PDE1C: variants seen among roughly 807,000 people sequenced by gnomAD.
PDE1C encodes the protein phosphodiesterase 1C.
A neutral mutation model predicts 93.1 loss-of-function variants in PDE1C; 62 were observed. That is an observed-to-expected ratio of 0.67 (90% CI 0.54 to 0.82). The LOEUF (loss-of-function observed/expected upper bound fraction) is 0.82. Among genes scored for constraint, PDE1C ranks in the 40% least tolerant of loss-of-function variants. PDE1C has a pLI of 0.00. For missense variants in PDE1C, 742 were observed against 884.6 expected, an observed-to-expected ratio of 0.84 and a Z score of 2.04; for synonymous variants, 325 against 310.1, an observed-to-expected ratio of 1.05 and a Z score of -0.50.
chr7:32,261,940 A>C (rs534881033), intron 1 of PDE1C, among the ~76,000 whole-genome samples: 1 of 152,114 alleles, frequency 6.6e-6, no homozygotes, highest in South Asian at 2.1e-4. Flanking sequence ...TCTGAAAAGC[A>C]AAATATTTAC....
intron 1 of PDE1C, among the ~76,000 whole-genome samples, chr7:32,064,184 C>T (rs1337335495): frequency 6.6e-6 from 1 of 152,206 alleles, no homozygotes; most frequent in East Asian, 1.9e-4. Context: ...TAATAAGAAC[C>T]AAGATTCTCA....
chr7:31,899,360 G>A (rs1583859383), intron 2 of PDE1C, among the ~76,000 whole-genome samples: 1 of 151,924 alleles, frequency 6.6e-6, no homozygotes, highest in Non-Finnish European at 1.5e-5. Context: ...GGATTGTCTC[G>A]ATCTCCTGAC....
intron 1 of PDE1C, among the ~76,000 whole-genome samples, chr7:32,297,990 TCTCTCTCCTCTCTCTCTCTCTCTCTCCC>T (rs1562660079): frequency 1.3e-4 from 6 of 45,634 alleles, no homozygotes; most frequent in Admixed American, 1.8e-4. Flanking sequence ...TCTCTCTCTC[TCTCTCTCCTCTCTCTCTCTCTCTCTCCC>T]TCTCTCTCTC....
intron 7 of PDE1C, among the ~76,000 whole-genome samples, chr7:31,863,272 G>C (rs2128833238): frequency 1.3e-5 from 2 of 152,216 alleles, no homozygotes; most frequent in Middle Eastern, 6.8e-3. Flanking sequence ...TTAATTTCCA[G>C]TGCATAGGAG....
chr7:31,701,682 C>T, the PDE1C span, among the ~76,000 whole-genome samples: 2 of 152,218 alleles, frequency 1.3e-5, no homozygotes, highest in Non-Finnish European at 2.9e-5. Flanking sequence ...TCACTGTCAT[C>T]TTGAGAGATT....
At chr7:31,824,824 G>C (rs540479334) in intron 13 of PDE1C, 43 bp downstream of exon 13, 2 of 1,604,734 alleles carry the variant, frequency 1.2e-6, no homozygotes, top group African/African-American at 1.3e-5. Context: ...TATCCTCAAG[G>C]ACAGGCCAAC....
chr7:31,881,525 A>G (rs1013595181), intron 2 of PDE1C, among the ~76,000 whole-genome samples: 3 of 152,246 alleles, frequency 2.0e-5, no homozygotes, highest in African/African-American at 7.2e-5. Flanking sequence ...TTATCTGCAC[A>G]GAGGACTTAG....
intron 11 of PDE1C, among the ~76,000 whole-genome samples, chr7:31,832,161 A>G (rs1323588789): frequency 1.3e-5 from 2 of 152,212 alleles, no homozygotes; most frequent in Admixed American, 6.5e-5. Flanking sequence ...CATAGAGAAC[A>G]AAGGAAAAAA....
intron 14 of PDE1C, among the ~76,000 whole-genome samples, chr7:31,820,128 T>A (rs1788779783): frequency 6.6e-6 from 1 of 152,038 alleles, no homozygotes; most frequent in Non-Finnish European, 1.5e-5. Flanking sequence ...AGTATCAGAA[T>A]AAAATATTCA....
chr7:31,731,694 G>C, the PDE1C span, among the ~76,000 whole-genome samples: 2 of 152,154 alleles, frequency 1.3e-5, no homozygotes, highest in Non-Finnish European at 2.9e-5. Flanking sequence ...GGCCAGAATT[G>C]GCAGTTTTCA....
chr7:32,229,037 C>T (rs998694184), intron 1 of PDE1C, among the ~76,000 whole-genome samples: 3 of 152,210 alleles, frequency 2.0e-5, no homozygotes, highest in African/African-American at 7.2e-5. Context: ...CACCCCCAAG[C>T]CCCACTCTAA....
chr7:31,634,926 C>A, the PDE1C span, among the ~76,000 whole-genome samples: 20 of 152,282 alleles, frequency 1.3e-4, no homozygotes, highest in African/African-American at 4.8e-4. Flanking sequence ...TGAGACGTCT[C>A]AAGTTCCCCT....
At chr7:31,692,443 T>C in the PDE1C span, 3 of 1,607,000 alleles carry the variant, frequency 1.9e-6, no homozygotes, top group Non-Finnish European at 1.7e-6. Context: ...CCTCCTTTGA[T>C]GATGTCCACT....
At chr7:32,297,166 T>C (rs1812646571) in intron 1 of PDE1C, among the ~76,000 whole-genome samples, 1 of 152,094 alleles carries the variant, frequency 6.6e-6, no homozygotes, top group South Asian at 2.1e-4. Flanking sequence ...TTTGGTACGT[T>C]TGGAGAAGGG....
intron 2 of PDE1C, among the ~76,000 whole-genome samples, chr7:31,990,150 G>A (rs551828613): frequency 6.6e-6 from 1 of 152,308 alleles, no homozygotes; most frequent in African/African-American, 2.4e-5. Flanking sequence ...TGATATGGTT[G>A]GCTCTGTATC....
At chr7:32,087,057 G>A (rs1358793785) in intron 3 of PDE1C, among the ~76,000 whole-genome samples, 4 of 152,096 alleles carry the variant, frequency 2.6e-5, no homozygotes, top group Non-Finnish European at 5.9e-5. Flanking sequence ...TACCATCAGA[G>A]TGAACAGGCA....
intron 1 of PDE1C, among the ~76,000 whole-genome samples, chr7:32,345,992 A>G (rs1278090496): frequency 1.3e-5 from 2 of 152,244 alleles, no homozygotes; most frequent in African/African-American, 4.8e-5. Context: ...ATTCCCAAGT[A>G]TCCCAAGAGA....
At chr7:31,812,350 T>C (rs1390596807) in intron 15 of PDE1C, among the ~76,000 whole-genome samples, 2 of 152,132 alleles carry the variant, frequency 1.3e-5, no homozygotes, top group African/African-American at 4.8e-5. Flanking sequence ...ACATCTGCCC[T>C]CTCTGGGTCT....
chr7:32,120,102 C>T (rs1188639161), intron 3 of PDE1C, among the ~76,000 whole-genome samples: 2 of 152,206 alleles, frequency 1.3e-5, no homozygotes, highest in Admixed American at 1.3e-4. Flanking sequence ...CCCCACAGCC[C>T]CACACACCAG....
Sources: gnomAD v4.1 joint callset for allele counts (sites outside exome capture counted in the v4.1 genomes callset) on GRCh38, gnomAD v4.1.1 for gene constraint, MANE v1.5 for transcripts, NCBI Gene and HGNC (gene_info 2026-07-23, HGNC 2026-07-21) for gene names.